MPV17: variants seen among roughly 807,000 people sequenced by gnomAD.
The protein encoded by MPV17 is mitochondrial inner membrane protein MPV17.
A neutral mutation model predicts 28.6 loss-of-function variants in MPV17; 31 were observed. The observed-to-expected ratio is 1.08, with a 90% confidence interval of 0.81 to 1.46. The LOEUF (loss-of-function observed/expected upper bound fraction) is 1.46. Ranked by LOEUF, MPV17 falls within the 40% of genes most tolerant of loss-of-function variation. The pLI is 0.00. For missense variants in MPV17, 198 were observed against 216.2 expected (o/e 0.92, Z 0.53); for synonymous variants, 87 against 85.3 (o/e 1.02, Z -0.11).
chr2:27,311,834 C>A (rs1679450037), intron 7 of MPV17, 65 bp downstream of exon 7: 4 of 1,597,408 alleles, frequency 2.5e-6, no homozygotes, highest in Non-Finnish European at 3.4e-6. Flanking sequence ...AAATGAGAAT[C>A]ATTTTGTCTC....
chr2:27,313,301 G>C, intron 2 of MPV17, 192 bp from the exon 3 acceptor site: 1 of 1,312,590 alleles, frequency 7.6e-7, no homozygotes, highest in South Asian at 1.4e-5. Flanking sequence ...GACACCTCAT[G>C]TGTATTCTGT....
In MPV17 at chr2:27,322,442, A is replaced by G. The variant is rs763997224; in HGVS notation, c.70+6T>C. On this transcript the variant is annotated splice_donor_region_variant and intron_variant, in intron 2 of 7. Coordinates refer to ENST00000380044, the MANE Select transcript of MPV17 (RefSeq NM_002437.5). ...GGTCCCACTCAAGTCCTAGAGGGAC[A>G]CTCACCAGCTGTCAGGACCTGTACT... 7 of 1,613,548 alleles carry G rather than the reference A, an allele frequency of 4.3e-6. No individual in the cohort carries two copies. Among genetic ancestry groups the G allele is most frequent in the Non-Finnish European group, 5.9e-6 (7 of 1,179,672 alleles).
At chr2:27,311,809 G>T in intron 7 of MPV17, 90 bp downstream of exon 7, 1 of 1,577,250 alleles carries the variant, frequency 6.3e-7, no homozygotes, top group East Asian at 2.3e-5. Context: ...GGGGGTCTAA[G>T]GTAGCTCAAG....
rs532199087 is a variant in MPV17 at position 27,309,564 on chromosome 2, G to A, written c.*348C>T. 1.9e-6 allele frequency: 1 copy of A among 519,668 alleles called. No homozygotes were observed. The highest frequency in any genetic ancestry group is 3.2e-5 in the East Asian group (1 of 31,378). The allele number at this position is 519,668 out of a possible 1,614,324, so 32.2% of individuals were successfully genotyped here. Reference sequence around the variant, plus strand: ...GGGTTCCGGGAGTCTCTAAAGAGCTGGAGCTACAAGAAGCCTAGGCAGGGT... The same window carrying A: ...GGGTTCCGGGAGTCTCTAAAGAGCTAGAGCTACAAGAAGCCTAGGCAGGGT... On this transcript the variant is annotated 3_prime_UTR_variant, in exon 8 of 8. Transcript: ENST00000380044.
At chr2:27,322,785 G>C (rs1278289623) in intron 1 of MPV17, among the ~76,000 whole-genome samples, 1 of 152,232 alleles carries the variant, frequency 6.6e-6, no homozygotes, top group Non-Finnish European at 1.5e-5. Flanking sequence ...CCTGAAGCCA[G>C]ACCACCTGGA....
chr2:27,318,530 G>A (rs892787709), intron 2 of MPV17, among the ~76,000 whole-genome samples: 1 of 151,636 alleles, frequency 6.6e-6, no homozygotes, highest in East Asian at 1.9e-4. Flanking sequence ...GCTAATTTTT[G>A]TATTTTTAGT....
intron 2 of MPV17, among the ~76,000 whole-genome samples, chr2:27,319,150 C>T (rs1483210140): frequency 6.6e-6 from 1 of 151,958 alleles, no homozygotes; most frequent in Non-Finnish European, 1.5e-5. Context: ...AATAATGCAT[C>T]CTTAGAGTGG....
chr2:27,312,210 T>G lies in MPV17; in HGVS notation c.408+4A>C, dbSNP rs1281740507. On this transcript the variant is annotated splice_donor_region_variant and intron_variant, in intron 6 of 7. Transcript: ENST00000380044. ...GAACAAGCAGTTGAGGTGTCAGCTC[T>G]TACATAGTAGTTGGTGATAAGGGCA... 2.5e-6 allele frequency: 4 copies of G among 1,613,824 alleles called. No homozygotes were observed. The Admixed American group carries it at 6.7e-5, about 27-fold the overall frequency.
intron 2 of MPV17, among the ~76,000 whole-genome samples, chr2:27,314,155 C>T (rs1299340158): frequency 6.6e-6 from 1 of 152,078 alleles, no homozygotes; most frequent in Non-Finnish European, 1.5e-5. Context: ...CAAGACCCCA[C>T]TTCTACAAAA....
intron 2 of MPV17, chr2:27,316,087 G>A (rs1450733490): frequency 1.9e-6 from 3 of 1,550,764 alleles, no homozygotes; most frequent in South Asian, 2.4e-5. Context: ...CATATCAAAG[G>A]ACATTCCCTA....
At chr2:27,316,932 G>A (rs1484142851) in intron 2 of MPV17, 9 of 734,772 alleles carry the variant, frequency 1.2e-5, no homozygotes, top group African/African-American at 1.8e-5. Context: ...CAGATCCAGC[G>A]GCCAGGGGGA....
chr2:27,322,704 T>C lies in MPV17; in HGVS notation c.-5-182A>G, dbSNP rs189813327. 117 of 619,008 alleles carry C rather than the reference T, an allele frequency of 1.9e-4. 1 individual carries two copies. Among genetic ancestry groups the C allele is most frequent in the South Asian group, 1.5e-4 (8 of 53,302 alleles). The allele number at this position is 619,008 out of a possible 1,614,324, so 38.3% of individuals were successfully genotyped here. On this transcript the variant is annotated intron_variant, in intron 1 of 7. Transcript: ENST00000380044. ...CTGTCGCAGGAGTCGCCTTAGACAA[T>C]TGGGGAAGAGAGAAAGGCTGTGGGA...
rs1679895302 is a variant in MPV17 at position 27,322,445 on chromosome 2, C to A, written c.70+3G>T. ...CCCACTCAAGTCCTAGAGGGACACT[C>A]ACCAGCTGTCAGGACCTGTACTTTC... On this transcript the variant is annotated splice_donor_region_variant and intron_variant, in intron 2 of 7. Coordinates refer to ENST00000380044, the MANE Select transcript of MPV17 (RefSeq NM_002437.5). The A allele has an allele frequency of 6.2e-7, 1 of 1,613,762 alleles. No individual in the cohort carries two copies. Among genetic ancestry groups the A allele is most frequent in the African/African-American group, 1.3e-5 (1 of 74,948 alleles).
At position 27,312,220 on chromosome 2, in the gene MPV17, G is replaced by A. The variant is rs2148215070; in HGVS notation, c.402C>T (p.Asn134=). ...TTGAGGTGTCAGCTCTTACATAGTAGTTGGTGATAAGGGCATCAGGATAAT... is the reference window on the plus strand; with the variant it reads ...TTGAGGTGTCAGCTCTTACATAGTAATTGGTGATAAGGGCATCAGGATAAT... ...QRDYPDALIT[N]YYLWPAVQLA... Residue 134 remains asparagine (N), a synonymous_variant, in exon 6 of 8, where the codon AAC becomes AAT. Transcript: ENST00000380044. 1.9e-6 allele frequency: 3 copies of A among 1,614,128 alleles called. No homozygotes were observed. The South Asian group carries it at 3.3e-5, about 18-fold the overall frequency.
Position 27,313,074 on chromosome 2 carries a change from G to A in MPV17, c.106C>T (p.Gln36Ter), listed in dbSNP as rs754051090. Residue 36 changes from glutamine to a stop codon, truncating the protein, a stop_gained, in exon 3 of 8, where the codon CAG (glutamine) becomes TAG (stop). Transcript: ENST00000380044. LOFTEE classifies it high-confidence loss of function. Reference sequence around the variant, plus strand: ...TGCAGACCCCGCCTCTCCACCAGCTGCTGTGAGATAATGTCACCCAGGCCC... The same window carrying A: ...TGCAGACCCCGCCTCTCCACCAGCTACTGTGAGATAATGTCACCCAGGCCC... ...LMGLGDIISQ[Q>*]LVERRGLQEH... The A allele has an allele frequency of 6.2e-7, 1 of 1,614,192 alleles. No homozygotes were observed. The highest frequency in any genetic ancestry group is 1.3e-5 in the African/African-American group (1 of 75,044).
intron 2 of MPV17, among the ~76,000 whole-genome samples, chr2:27,318,701 G>C (rs1004029841): frequency 2.0e-5 from 3 of 152,012 alleles, no homozygotes; most frequent in Non-Finnish European, 2.9e-5. Context: ...GCAGATAAAG[G>C]TTTCTTCTTT....
intron 1 of MPV17, 183 bp from the exon 2 acceptor site, chr2:27,322,705 T>C (rs546730727): frequency 8.1e-6 from 5 of 617,020 alleles, no homozygotes; most frequent in African/African-American, 3.7e-5. Context: ...CTTAGACAAT[T>C]GGGGAAGAGA....
chr2:27,320,177 C>T (rs1679803490), intron 2 of MPV17, among the ~76,000 whole-genome samples: 1 of 150,252 alleles, frequency 6.7e-6, no homozygotes, highest in African/African-American at 2.4e-5. Context: ...GCGGAGGTTG[C>T]AGTGAGTCGA....
At position 27,312,418 on chromosome 2, in the gene MPV17, C is replaced by T. The variant is rs754794889; in HGVS notation, c.375+76G>A. On this transcript the variant is annotated intron_variant, in intron 5 of 7. Coordinates refer to ENST00000380044, the MANE Select transcript of MPV17 (RefSeq NM_002437.5). ...TACCTGCACTTACCCCCTTTTTTAT[C>T]CCTGTAAAACCTGTCTTCTTCCCCT... 7 of 1,523,910 alleles carry T rather than the reference C, an allele frequency of 4.6e-6. No individual in the cohort carries two copies. The Admixed American group carries it at 5.0e-5, about 11-fold the overall frequency. The allele number at this position is 1,523,910 out of a possible 1,614,324, so 94.4% of individuals were successfully genotyped here.
Sources: gnomAD v4.1 joint callset for allele counts (sites outside exome capture counted in the v4.1 genomes callset) on GRCh38, gnomAD v4.1.1 for gene constraint, MANE v1.5 for transcripts, NCBI Gene and HGNC (gene_info 2026-07-23, HGNC 2026-07-21) for gene names.